Variants in GLOD4 observed in about 807,000 individuals in gnomAD.
GLOD4 encodes the protein glyoxalase domain containing 4, also known as glyoxalase domain-containing protein 4.
Under a neutral mutation model 39.1 loss-of-function variants are expected in GLOD4, and 44 were observed. That is an observed-to-expected ratio of 1.13 (90% CI 0.88 to 1.45). The LOEUF (loss-of-function observed/expected upper bound fraction) is 1.45. GLOD4 is among the 40% of genes most tolerant of loss of function. GLOD4 has a pLI of 0.00. For synonymous variants in GLOD4, 145 were observed against 135.0 expected, an observed-to-expected ratio of 1.07 and a Z score of -0.52; for missense variants, 405 against 366.4, an observed-to-expected ratio of 1.11 and a Z score of -0.86.
At chr17:765,510 CT>C (rs891186411) in intron 8 of GLOD4, among the ~76,000 whole-genome samples, 7 of 149,444 alleles carry the variant, frequency 4.7e-5, no homozygotes, top group Non-Finnish European at 7.4e-5. Flanking sequence ...GTGCCCGTGT[CT>C]GAGGAGAAAC....
chr17:779,006 C>A (rs542303093), intron 1 of GLOD4, among the ~76,000 whole-genome samples: 1 of 152,042 alleles, frequency 6.6e-6, no homozygotes, highest in African/African-American at 2.4e-5. Context: ...AAAAGTGTGG[C>A]CTTCAGCATT....
At chr17:762,419 C>T (rs976845803) in intron 8 of GLOD4, among the ~76,000 whole-genome samples, 1 of 152,176 alleles carries the variant, frequency 6.6e-6, no homozygotes, top group Non-Finnish European at 1.5e-5. Flanking sequence ...ATCCAGGCCC[C>T]GGCCTGCACC....
chr17:776,709 C>T (rs749802855), intron 3 of GLOD4, among the ~76,000 whole-genome samples, 159 bp downstream of exon 3: 4 of 152,160 alleles, frequency 2.6e-5, no homozygotes, highest in Non-Finnish European at 4.4e-5. Flanking sequence ...GCCTGGAACG[C>T]GCATCCCCCA....
rs1381723754 is a variant in GLOD4, at chr17:759,967, G to A, written c.*206C>T. The A allele has an allele frequency of 3.5e-6, 2 of 577,338 alleles. No homozygotes were observed. The highest frequency in any genetic ancestry group is 6.2e-6 in the Non-Finnish European group (2 of 325,058). The allele number at this position is 577,338 out of a possible 1,614,324, so 35.8% of individuals were successfully genotyped here. A position where few individuals can be genotyped will look rare whatever the true frequency, so the allele number is the denominator to read the frequency against. ...CCCAGCAACAGTGTAGATTACAGCA[G>A]GCGTTCTCTACCTGGACTCATGATT... On this transcript the variant is annotated 3_prime_UTR_variant, in exon 9 of 9. Transcript: ENST00000301329.
chr17:778,783 G>C (rs937387606), intron 1 of GLOD4, 39 bp from the exon 2 acceptor site: 1 of 1,246,128 alleles, frequency 8.0e-7, no homozygotes, highest in East Asian at 2.3e-5. Context: ...AGTGTTGCTA[G>C]TACTGCTCAC....
chr17:764,025 G>A (rs1324595796), intron 8 of GLOD4: 1 of 152,194 alleles, frequency 6.6e-6, no homozygotes, highest in African/African-American at 2.4e-5. Context: ...CTTCGGTTGT[G>A]CATATTTGGA....
chr17:778,743 A>G lies in GLOD4; in HGVS notation c.92T>C (p.Val31Ala). ...TTCTTCAAATTCCTCATGCCGCAGA[A>G]CCTGGTGTGAGATTTAGAATAAATT... is the stretch of plus-strand genomic sequence containing the variant. ...RFYRDVLGMK[V>A]LRHEEFEEGC... Residue 31 changes from valine (V) to alanine (A), a missense_variant and splice_region_variant, in exon 2 of 9, where the codon GTT (valine) becomes GCT (alanine). Val to Ala is a moderately conservative substitution (Grantham distance 64). Coordinates refer to ENST00000301329, the MANE Select transcript of GLOD4 (RefSeq NM_016080.4). 6.3e-7 allele frequency: 1 copy of G among 1,592,714 alleles called. No homozygotes were observed. The highest frequency in any genetic ancestry group is 8.6e-7 in the Non-Finnish European group (1 of 1,160,532).
At chr17:772,313 C>T (rs1168881018) in intron 4 of GLOD4, among the ~76,000 whole-genome samples, 1 of 147,788 alleles carries the variant, frequency 6.8e-6, no homozygotes, top group Non-Finnish European at 1.5e-5. Flanking sequence ...TGACAAAATA[C>T]ATTCCTGATG....
In GLOD4 at chr17:777,003, T is replaced by C. The variant is rs763565492; in HGVS notation, c.141-15A>G. ...CATCATAAGGCCTAGAAAATAAAAG[T>C]AAATGAACTCAGTGACTACAGACAA... is the stretch of plus-strand genomic sequence containing the variant. On this transcript the variant is annotated splice_polypyrimidine_tract_variant and intron_variant, in intron 2 of 8. Coordinates refer to ENST00000301329, the MANE Select transcript of GLOD4 (RefSeq NM_016080.4). 6.2e-7 allele frequency: 1 copy of C among 1,611,356 alleles called. No individual in the cohort carries two copies. The highest frequency in any genetic ancestry group is 8.5e-7 in the Non-Finnish European group (1 of 1,177,498).
At chr17:782,657 C>G, upstream of GLOD4, 3 of 1,612,300 alleles carry the variant, frequency 1.9e-6, no homozygotes, top group East Asian at 6.7e-5. Flanking sequence ...CTGGGCTTCG[C>G]TACGATAAAG....
chr17:770,588 A>C (rs1322970734), intron 5 of GLOD4, 81 bp from the exon 6 acceptor site: 2 of 764,010 alleles, frequency 2.6e-6, no homozygotes, highest in Non-Finnish European at 2.4e-6. Flanking sequence ...CAAATATTAT[A>C]TACTAAAGGA....
intron 8 of GLOD4, among the ~76,000 whole-genome samples, chr17:768,701 G>A (rs1226862): frequency 0.011 from 231 of 20,452 alleles, no homozygotes; most frequent in South Asian, 0.018. Flanking sequence ...GATTTTTAGA[G>A]GAAGAAATCT....
intron 8 of GLOD4, among the ~76,000 whole-genome samples, chr17:768,238 G>A (rs913890786): frequency 8.0e-5 from 12 of 150,028 alleles, no homozygotes; most frequent in African/African-American, 2.7e-4. Context: ...GAGAAACAGC[G>A]CGCACTCAGA....
intron 4 of GLOD4, among the ~76,000 whole-genome samples, chr17:774,167 A>G (rs537603395): frequency 1.2e-3 from 184 of 152,300 alleles, no homozygotes; most frequent in Non-Finnish European, 1.7e-3. Context: ...GCAGAGAAAC[A>G]CCATCTCTCC....
At chr17:783,930 T>C (rs773535054), upstream of GLOD4, among the ~76,000 whole-genome samples, 16 of 152,334 alleles carry the variant, frequency 1.1e-4, no homozygotes, top group Non-Finnish European at 2.1e-4. Context: ...ACTGAAAGAT[T>C]GAGCCCTTCA....
chr17:770,375 G>T, intron 6 of GLOD4, 46 bp downstream of exon 6: 2 of 967,098 alleles, frequency 2.1e-6, no homozygotes, highest in Non-Finnish European at 3.4e-6. Context: ...TAGCTGGGTT[G>T]AACTAGCTAG....
intron 2 of GLOD4, chr17:778,350 C>G: frequency 2.4e-6 from 1 of 411,408 alleles, no homozygotes; most frequent in Non-Finnish European, 4.3e-6. Context: ...GACATTAACT[C>G]CAGGTAGAGT....
At chr17:767,161 T>C (rs1489613534) in intron 8 of GLOD4, among the ~76,000 whole-genome samples, 1 of 152,194 alleles carries the variant, frequency 6.6e-6, no homozygotes, top group Non-Finnish European at 1.5e-5. Context: ...AGACTAAAGT[T>C]CAAAGAATTT....
chr17:767,586 TAGA>T (rs1291339712), intron 8 of GLOD4, among the ~76,000 whole-genome samples: 8 of 148,556 alleles, frequency 5.4e-5, no homozygotes, highest in African/African-American at 1.8e-4. Context: ...CTCAGATTTT[TAGA>T]AGAAGAAATC....
Sources: gnomAD v4.1 joint callset for allele counts (sites outside exome capture counted in the v4.1 genomes callset) on GRCh38, gnomAD v4.1.1 for gene constraint, MANE v1.5 for transcripts, NCBI Gene and HGNC (gene_info 2026-07-23, HGNC 2026-07-21) for gene names.